Variants in FRAS1 observed in about 807,000 individuals in gnomAD.
The protein encoded by FRAS1 is Fraser extracellular matrix complex subunit 1.
A neutral mutation model predicts 435.2 loss-of-function variants in FRAS1; 290 were observed. The ratio of observed to expected loss-of-function variants is 0.67; its 90% CI spans 0.61 to 0.73. FRAS1 has a LOEUF of 0.73. Ranked by LOEUF, FRAS1 falls within the 30% of genes least tolerant of loss-of-function variation. FRAS1 has a pLI of 0.00. For synonymous variants in FRAS1, 1,800 were observed against 1,851.0 expected (o/e 0.97, Z 0.71); for missense variants, 4,860 against 5,001.5 (o/e 0.97, Z 0.85).
chr4:78,409,368 G>T (rs1733245755), intron 31 of FRAS1, among the ~76,000 whole-genome samples: 1 of 151,922 alleles, frequency 6.6e-6, no homozygotes, highest in African/African-American at 2.4e-5. Flanking sequence ...AAATCATATG[G>T]ACAAAATTGT....
At chr4:78,230,928 T>C (rs1461026831) in intron 2 of FRAS1, among the ~76,000 whole-genome samples, 1 of 152,184 alleles carries the variant, frequency 6.6e-6, no homozygotes, top group African/African-American at 2.4e-5. Context: ...CATAACATTT[T>C]TTGTTTTTTT....
intron 18 of FRAS1, among the ~76,000 whole-genome samples, chr4:78,322,906 AT>A (rs1347383209): frequency 6.6e-6 from 1 of 152,196 alleles, no homozygotes; most frequent in East Asian, 1.9e-4. Context: ...TGGAACTTAT[AT>A]TTTAGTGAGA....
At chr4:78,498,257 C>A (rs1578359198) in intron 60 of FRAS1, among the ~76,000 whole-genome samples, 1 of 152,134 alleles carries the variant, frequency 6.6e-6, no homozygotes, top group South Asian at 2.1e-4. Flanking sequence ...TGCCTGTAAT[C>A]CCAGCACTTT....
At chr4:78,503,816 A>G (rs1720750365) in intron 61 of FRAS1, among the ~76,000 whole-genome samples, 5 of 152,142 alleles carry the variant, frequency 3.3e-5, no homozygotes. Context: ...TAGGGTGTCA[A>G]TTTTAGATCT....
chr4:78,318,401 C>T (rs759019997), intron 17 of FRAS1, among the ~76,000 whole-genome samples: 8 of 152,188 alleles, frequency 5.3e-5, no homozygotes, highest in Non-Finnish European at 1.0e-4. Flanking sequence ...AATAACACAA[C>T]CACCATTTTT....
chr4:78,431,381 A>G (rs1366350586), intron 37 of FRAS1, among the ~76,000 whole-genome samples: 1 of 152,246 alleles, frequency 6.6e-6, no homozygotes, highest in Non-Finnish European at 1.5e-5. Flanking sequence ...TGCAGTTAAC[A>G]TATAAAATCT....
intron 2 of FRAS1, among the ~76,000 whole-genome samples, chr4:78,233,701 T>G (rs1724608938): frequency 6.6e-6 from 1 of 152,208 alleles, no homozygotes; most frequent in Admixed American, 6.5e-5. Flanking sequence ...ATTTTACAGA[T>G]GAAGAAACTG....
At chr4:78,504,355 A>G (rs1024399196) in intron 61 of FRAS1, among the ~76,000 whole-genome samples, 2 of 152,178 alleles carry the variant, frequency 1.3e-5, no homozygotes, top group Admixed American at 6.5e-5. Flanking sequence ...GTGGGAATCT[A>G]AATCTCTTTG....
At chr4:78,234,343 T>A (rs11722519) in intron 2 of FRAS1, among the ~76,000 whole-genome samples, 100,983 of 151,682 alleles carry the variant, frequency 0.67, 33,736 homozygotes, top group African/African-American at 0.71. Context: ...CTCCTGCCTC[T>A]GCCTCCCGAG....
chr4:78,459,565 TC>T (rs1719307749), intron 47 of FRAS1, among the ~76,000 whole-genome samples: 1 of 152,240 alleles, frequency 6.6e-6, no homozygotes, highest in African/African-American at 2.4e-5. Flanking sequence ...TCAACCTCTT[TC>T]AGTATTGTGA....
intron 3 of FRAS1, among the ~76,000 whole-genome samples, chr4:78,244,257 AAC>A (rs1427585377): frequency 1.3e-5 from 2 of 151,932 alleles, no homozygotes; most frequent in African/African-American, 4.8e-5. Flanking sequence ...TAATAACATT[AAC>A]ACACACGCAC....
intron 2 of FRAS1, among the ~76,000 whole-genome samples, chr4:78,143,407 C>T (rs1212016012): frequency 6.6e-6 from 1 of 151,806 alleles, no homozygotes; most frequent in African/African-American, 2.4e-5. Context: ...ATGTATATTT[C>T]TCGGTTATTT....
intron 5 of FRAS1, among the ~76,000 whole-genome samples, chr4:78,253,170 T>C (rs1375218049): frequency 6.6e-6 from 1 of 152,164 alleles, no homozygotes; most frequent in Non-Finnish European, 1.5e-5. Flanking sequence ...TTCAGCGATA[T>C]CTCTCTTACT....
intron 2 of FRAS1, among the ~76,000 whole-genome samples, chr4:78,139,404 T>A (rs1180336008): frequency 6.6e-6 from 1 of 152,234 alleles, no homozygotes; most frequent in Non-Finnish European, 1.5e-5. Flanking sequence ...TATTTGGGCT[T>A]TCCCTCCTAC....
At chr4:78,495,717 C>T (rs1025479734) in intron 59 of FRAS1, among the ~76,000 whole-genome samples, 2 of 152,170 alleles carry the variant, frequency 1.3e-5, no homozygotes, top group African/African-American at 4.8e-5. Context: ...GTGTTACCCA[C>T]ATGGCAATCT....
intron 57 of FRAS1, 149 bp from the exon 58 acceptor site, chr4:78,482,239 C>A (rs1578350668): frequency 3.4e-6 from 3 of 878,386 alleles, no homozygotes; most frequent in Non-Finnish European, 5.4e-6. Flanking sequence ...CTCCGAGTGG[C>A]ATGTAATAAA....
At chr4:78,099,029 A>G (rs1455248861) in intron 2 of FRAS1, among the ~76,000 whole-genome samples, 1 of 152,212 alleles carries the variant, frequency 6.6e-6, no homozygotes, top group Non-Finnish European at 1.5e-5. Flanking sequence ...TGTACTTTTT[A>G]CAACTTCCTC....
chr4:78,057,943 C>G lies in FRAS1; in HGVS notation c.-67C>G, dbSNP rs911264298. 2.0e-6 allele frequency: 3 copies of G among 1,497,532 alleles called. No individual in the cohort carries two copies. Among genetic ancestry groups the G allele is most frequent in the Admixed American group, 1.7e-5 (1 of 58,334 alleles). 92.8% of individuals were successfully genotyped at this position (1,497,532 alleles called of 1,614,324 possible). A position where few individuals can be genotyped will look rare whatever the true frequency, so the allele number is the denominator to read the frequency against. ...CCCGGGTTCCAAGCGCCGGAGCCAG[C>G]GTTTTGGCGGAGCCGCTTCTTGGAT... On this transcript the variant is annotated 5_prime_UTR_variant, in exon 1 of 74. Coordinates refer to ENST00000512123, the MANE Select transcript of FRAS1 (RefSeq NM_025074.7). This position sits in a 1 kb window ranked among gnomAD's most constrained non-coding sequence, Gnocchi z 4.2.
chr4:78,298,351 A>G (rs1037218508), intron 14 of FRAS1, among the ~76,000 whole-genome samples: 2 of 151,742 alleles, frequency 1.3e-5, no homozygotes, highest in Non-Finnish European at 2.9e-5. Flanking sequence ...ATAAATATAA[A>G]TACACACACC....
Sources: gnomAD v4.1 joint callset for allele counts (sites outside exome capture counted in the v4.1 genomes callset) on GRCh38, gnomAD v4.1.1 for gene constraint, Gnocchi (gnomAD v3.1) non-coding constraint, MANE v1.5 for transcripts, NCBI Gene and HGNC (gene_info 2026-07-23, HGNC 2026-07-21) for gene names.